The following PIK3C2B variants were observed in gnomAD, a reference collection of about 807,000 sequenced individuals.
The protein encoded by PIK3C2B is phosphatidylinositol-4-phosphate 3-kinase catalytic subunit type 2 beta, also known as phosphatidylinositol 4-phosphate 3-kinase C2 domain-containing subunit beta.
A neutral mutation model predicts 184.3 loss-of-function variants in PIK3C2B; 83 were observed. The ratio of observed to expected loss-of-function variants is 0.45; its 90% confidence interval spans 0.38 to 0.54. PIK3C2B has a LOEUF of 0.54. PIK3C2B is among the 20% of genes least tolerant of loss of function. The pLI, the probability that PIK3C2B is intolerant of heterozygous loss-of-function variation, is 0.00. For missense variants in PIK3C2B, 1,736 were observed against 2,113.5 expected, an observed-to-expected ratio of 0.82 and a Z score of 3.50; for synonymous variants, 779 against 837.6, an observed-to-expected ratio of 0.93 and a Z score of 1.21.
chr1:204,454,525 A>C, intron 12 of PIK3C2B, 144 bp downstream of exon 12: 1 of 622,348 alleles, frequency 1.6e-6, no homozygotes, highest in Non-Finnish European at 2.7e-6. Flanking sequence ...GAGACTCAAG[A>C]GGTTGAATGA....
chr1:204,441,276 A>C (rs1169433769), intron 21 of PIK3C2B, among the ~76,000 whole-genome samples, 195 bp downstream of exon 21: 1 of 152,118 alleles, frequency 6.6e-6, no homozygotes, highest in East Asian at 1.9e-4. Flanking sequence ...GCCTCCCTAT[A>C]CCTAACACTC....
chr1:204,442,811 G>A (rs1187669944), intron 19 of PIK3C2B, among the ~76,000 whole-genome samples, 178 bp from the exon 20 acceptor site: 1 of 152,224 alleles, frequency 6.6e-6, no homozygotes, highest in African/African-American at 2.4e-5. Flanking sequence ...GCCTGGGACT[G>A]TACGCTAACA....
At position 204,430,005 on chromosome 1, in the gene PIK3C2B, C is replaced by CCGGGAG; in HGVS notation, c.4308_4313dup (p.Ser1437_Arg1438dup). On this transcript the variant is annotated inframe_insertion, in exon 29 of 33. Coordinates refer to ENST00000684373, the MANE Select transcript of PIK3C2B (RefSeq NM_001377334.1). ...TCCGCCGCTCGGCCACCGCCTCTCC[C>CCGGGAG]CGGGAGCGGCCGATCACGAAGCGAC... The CCGGGAG allele has an allele frequency of 6.2e-7, 1 of 1,610,922 alleles. No individual in the cohort carries two copies. Among genetic ancestry groups the CCGGGAG allele is most frequent in the Non-Finnish European group, 8.5e-7 (1 of 1,179,912 alleles).
intron 1 of PIK3C2B, among the ~76,000 whole-genome samples, chr1:204,480,014 G>A (rs1657004503): frequency 6.6e-6 from 1 of 152,158 alleles, no homozygotes; most frequent in South Asian, 2.1e-4. Context: ...CTTCTGCACT[G>A]GGCTCGGCGG....
At chr1:204,486,167 G>A (rs924677049) in intron 1 of PIK3C2B, among the ~76,000 whole-genome samples, 14 of 151,594 alleles carry the variant, frequency 9.2e-5, no homozygotes, top group Middle Eastern at 3.4e-3. Context: ...AGGTCGAGGC[G>A]GGCGGATCAC....
chr1:204,473,450 T>G (rs1338032370), intron 1 of PIK3C2B, among the ~76,000 whole-genome samples: 1 of 151,910 alleles, frequency 6.6e-6, no homozygotes, highest in Non-Finnish European at 1.5e-5. Flanking sequence ...AGGAGTAGCA[T>G]AAGCAGATGG....
In PIK3C2B at chr1:204,423,245, C is replaced by A. The variant is rs963097746; in HGVS notation, c.*1607G>T. 6.6e-6 allele frequency: 1 copy of A among 152,130 alleles called. No individual in the cohort carries two copies. The highest frequency in any genetic ancestry group is 1.9e-4 in the East Asian group (1 of 5,188). 9.4% of individuals were successfully genotyped at this position (152,130 alleles called of 1,614,324 possible). A position where few individuals can be genotyped will look rare whatever the true frequency, so the allele number is the denominator to read the frequency against. ...CAGGCAGATCACGAGGTCAAGAGAT[C>A]GAGACCATCCTGGCCAACATGGTGA... is the stretch of plus-strand genomic sequence containing the variant. On this transcript the variant is annotated 3_prime_UTR_variant, in exon 33 of 33. Coordinates refer to ENST00000684373, the MANE Select transcript of PIK3C2B (RefSeq NM_001377334.1).
At chr1:204,490,731 C>A (rs1245120231) in intron 1 of PIK3C2B, among the ~76,000 whole-genome samples, 1 of 150,444 alleles carries the variant, frequency 6.6e-6, no homozygotes, top group South Asian at 2.1e-4. Context: ...CGAGATCAGT[C>A]TAGGCAACAT....
At chr1:204,443,357 A>G in intron 19 of PIK3C2B, 60 bp downstream of exon 19, 1 of 1,514,238 alleles carries the variant, frequency 6.6e-7, no homozygotes, top group East Asian at 2.3e-5. Flanking sequence ...ATTCCTAAGA[A>G]GAAACTGGCT....
chr1:204,486,205 G>A (rs1012984094), intron 1 of PIK3C2B, among the ~76,000 whole-genome samples: 4 of 151,992 alleles, frequency 2.6e-5, no homozygotes, highest in African/African-American at 4.8e-5. Context: ...AGATCAGCCT[G>A]GCTAACATGG....
At chr1:204,460,092 G>A in intron 7 of PIK3C2B, 151 bp from the exon 8 acceptor site, 5 of 704,156 alleles carry the variant, frequency 7.1e-6, no homozygotes, top group Non-Finnish European at 1.3e-5. Context: ...ACATATAGAG[G>A]GAGAGTCTTT....
intron 23 of PIK3C2B, among the ~76,000 whole-genome samples, chr1:204,438,667 G>A (rs1039430705): frequency 1.1e-4 from 17 of 152,166 alleles, no homozygotes; most frequent in Non-Finnish European, 2.1e-4. Context: ...AAAAGCTGGC[G>A]CCTCCTCCAA....
intron 12 of PIK3C2B, among the ~76,000 whole-genome samples, chr1:204,454,022 G>A (rs898481737): frequency 1.6e-4 from 24 of 151,758 alleles, no homozygotes; most frequent in African/African-American, 5.3e-4. Flanking sequence ...TGATCCGCCC[G>A]CCTCGGCCTC....
Position 204,454,654 on chromosome 1 carries a change from G to T in PIK3C2B, c.2066+15C>A. Reference sequence around the variant, plus strand: ...TACAGTGGCCTGGGCACTGAAGCCTGGGGGAAGGGCTTACTGCTGGTCCCA... The same window carrying T: ...TACAGTGGCCTGGGCACTGAAGCCTTGGGGAAGGGCTTACTGCTGGTCCCA... On this transcript the variant is annotated intron_variant, in intron 12 of 32. Transcript: ENST00000684373. The T allele has an allele frequency of 1.2e-6, 2 of 1,611,472 alleles. No homozygotes were observed. Among genetic ancestry groups the T allele is most frequent in the South Asian group, 1.1e-5 (1 of 90,972 alleles).
chr1:204,473,389 T>A (rs1656446807), intron 1 of PIK3C2B, among the ~76,000 whole-genome samples: 1 of 152,256 alleles, frequency 6.6e-6, no homozygotes, highest in African/African-American at 2.4e-5. Flanking sequence ...TCCTTACAGA[T>A]CACTTTTTAT....
rs772630426 is a variant in PIK3C2B, at chr1:204,430,022, C to A, written c.4297G>T (p.Val1433Leu). 1.6e-5 allele frequency: 25 copies of A among 1,609,036 alleles called. No homozygotes were observed. The highest frequency in any genetic ancestry group is 2.0e-5 in the Non-Finnish European group (24 of 1,179,586). The change falls in exon 29 of 33, where the codon GTG (valine) becomes TTG (leucine). Residue 1433 changes from valine to leucine, a missense_variant. By Grantham distance (32) the Val-to-Leu change is conservative. This residue lies in a region of PIK3C2B where 200 missense variants were observed against 199.1 expected (regional missense o/e 1.00). Coordinates refer to ENST00000684373, the MANE Select transcript of PIK3C2B (RefSeq NM_001377334.1). The part of the protein sequence containing the change: ...SHLPSFPSRF[V>L]IGRSRGEAVA... ...GCCTCTCCCCGGGAGCGGCCGATCA[C>A]GAAGCGACTAGGGAAGCTGGCGTGG...
Position 204,464,460 on chromosome 1 carries a change from G to T in PIK3C2B, c.1179C>A (p.Phe393Leu). ...LCDRLQEALTFTCNCSSTVDL... is the reference protein window; with the variant it reads ...LCDRLQEALTLTCNCSSTVDL... ...CCCTCACTAACTTACAGTTGCAGGT[G>T]AAAGTGAGTGCCTCTTGAAGCCTGT... The change falls in exon 4 of 33, where the codon TTC becomes TTA. Residue 393 changes from phenylalanine (F) to leucine (L), a missense_variant. This residue lies in a region of PIK3C2B where 609 missense variants were observed against 699.2 expected (regional missense o/e 0.87). Coordinates refer to ENST00000684373, the MANE Select transcript of PIK3C2B (RefSeq NM_001377334.1). The T allele has an allele frequency of 1.2e-6, 2 of 1,613,656 alleles. No individual in the cohort carries two copies. Among genetic ancestry groups the T allele is most frequent in the African/African-American group, 1.3e-5 (1 of 75,002 alleles).
intron 12 of PIK3C2B, among the ~76,000 whole-genome samples, chr1:204,451,906 T>A (rs1654390721): frequency 6.6e-6 from 1 of 152,110 alleles, no homozygotes; most frequent in African/African-American, 2.4e-5. Flanking sequence ...CCTCAAACAA[T>A]CCTGTAGGGT....
At chr1:204,439,358 T>C (rs922251757) in intron 22 of PIK3C2B, among the ~76,000 whole-genome samples, 3 of 152,216 alleles carry the variant, frequency 2.0e-5, no homozygotes. Context: ...AAGAATGGTA[T>C]CATGACTTCA....
Sources: gnomAD v4.1 joint callset for allele counts (sites outside exome capture counted in the v4.1 genomes callset) on GRCh38, gnomAD v4.1.1 for gene constraint, gnomAD v4.1.1 regional missense constraint, MANE v1.5 for transcripts, NCBI Gene and HGNC (gene_info 2026-07-23, HGNC 2026-07-21) for gene names.